NFE2L2: variants seen among roughly 807,000 people sequenced by gnomAD.
The protein encoded by NFE2L2 is nuclear factor erythroid 2-related factor 2.
Under a neutral mutation model 49.6 loss-of-function variants are expected in NFE2L2, and 20 were observed. The observed-to-expected ratio is 0.40, with a 90% CI of 0.28 to 0.59. The LOEUF is 0.59. Ranked by LOEUF, NFE2L2 falls within the 20% of genes least tolerant of loss-of-function variation. The pLI, the probability that NFE2L2 is intolerant of heterozygous loss-of-function variation, is 0.40. For synonymous variants in NFE2L2, 244 were observed against 256.5 expected (o/e 0.95, Z 0.47); for missense variants, 578 against 714.2 (o/e 0.81, Z 2.17).
intron 1 of NFE2L2, among the ~76,000 whole-genome samples, chr2:177,246,232 C>A (rs1241437845): frequency 6.6e-6 from 1 of 152,186 alleles, no homozygotes; most frequent in Non-Finnish European, 1.5e-5. Context: ...GCATTGAAAT[C>A]AGGACAACTC....
At chr2:177,249,877 C>T (rs1307641638) in intron 1 of NFE2L2, among the ~76,000 whole-genome samples, 4 of 152,088 alleles carry the variant, frequency 2.6e-5, no homozygotes, top group Admixed American at 2.6e-4. Context: ...AATTCAGTTC[C>T]TTGGTTGCAT....
intron 1 of NFE2L2, among the ~76,000 whole-genome samples, chr2:177,241,098 A>AT (rs1689923188): frequency 6.6e-6 from 1 of 152,352 alleles, no homozygotes; most frequent in South Asian, 2.1e-4. Flanking sequence ...AAAAAAATTA[A>AT]TTATACACAC....
At chr2:177,261,652 G>C (rs1032300150) in intron 1 of NFE2L2, among the ~76,000 whole-genome samples, 5 of 152,080 alleles carry the variant, frequency 3.3e-5, no homozygotes, top group Admixed American at 3.3e-4. Context: ...TTCCCAACCT[G>C]GAAACCAGGG....
In NFE2L2 at chr2:177,231,959, C is replaced by G. The variant is rs774762514; in HGVS notation, c.644G>C (p.Ser215Thr). 1 of 1,613,808 alleles carries G rather than the reference C, an allele frequency of 6.2e-7. No homozygotes were observed. Among genetic ancestry groups the G allele is most frequent in the South Asian group, 1.1e-5 (1 of 91,050 alleles). The change falls in exon 5 of 5, where the codon AGT becomes ACT. Residue 215 changes from serine to threonine, a missense_variant. This residue lies in a region of NFE2L2 where 368 missense variants were observed against 384.6 expected (regional missense o/e 0.96). Transcript: ENST00000397062. The stretch of plus-strand genomic sequence containing the variant: ...AACTTCTGTCAGTTTGGCTTCTGGA[C>G]TTGGAACCATGGTAGTCTCAACCAG... The part of the protein sequence containing the change: ...DKLVETTMVP[S>T]PEAKLTEVDN...
chr2:177,233,630 T>A, intron 2 of NFE2L2: 1 of 501,778 alleles, frequency 2.0e-6, no homozygotes, highest in Non-Finnish European at 3.5e-6. Flanking sequence ...GTTGTGTTAA[T>A]TAAATCAGTC....
chr2:177,243,014 A>G (rs1287694368), intron 1 of NFE2L2, among the ~76,000 whole-genome samples: 1 of 151,984 alleles, frequency 6.6e-6, no homozygotes, highest in Non-Finnish European at 1.5e-5. Context: ...TTGGTTTGAC[A>G]AGCAAACATT....
In NFE2L2 at chr2:177,231,517, T is replaced by G. The variant is rs765898938; in HGVS notation, c.1086A>C (p.Glu362Asp). Residue 362 changes from glutamate to aspartate, a missense_variant, in exon 5 of 5, where the codon GAA becomes GAC. Coordinates refer to ENST00000397062, the MANE Select transcript of NFE2L2 (RefSeq NM_006164.5). Reference protein sequence around the residue: ...PSVASPEHSVESSSYGDTLLG... With the variant: ...PSVASPEHSVDSSSYGDTLLG... ...GTAGTGTGTCTCCATAGCTGGAAGA[T>G]TCCACTGAGTGTTCTGGTGATGCCA... 3.7e-6 allele frequency: 6 copies of G among 1,614,124 alleles called. No individual in the cohort carries two copies. In the African/African-American group the frequency reaches 6.7e-5, roughly 18 times the overall value.
At chr2:177,263,576 A>C in intron 1 of NFE2L2, 1 of 985,476 alleles carries the variant, frequency 1.0e-6, no homozygotes, top group Non-Finnish European at 1.2e-6. Context: ...ATAAAGCAGG[A>C]AAGGGCCAAC....
Position 177,232,592 on chromosome 2 carries a change from G to C in NFE2L2, c.403-9C>G. The C allele has an allele frequency of 6.2e-7, 1 of 1,613,100 alleles. No individual in the cohort carries two copies. Among genetic ancestry groups the C allele is most frequent in the South Asian group, 1.1e-5 (1 of 91,000 alleles). On this transcript the variant is annotated splice_polypyrimidine_tract_variant and intron_variant, in intron 3 of 4. Coordinates refer to ENST00000397062, the MANE Select transcript of NFE2L2 (RefSeq NM_006164.5). ...AACGTAGCCGAAGAAACCTAAAATT[G>C]ATAAGGCATTGATTTATGAGTCTTC...
intron 1 of NFE2L2, chr2:177,256,029 A>C (rs1402176775): frequency 6.5e-6 from 1 of 154,702 alleles, no homozygotes; most frequent in Non-Finnish European, 1.5e-5. Context: ...CAGGAATTTT[A>C]ATGGTTAAAA....
chr2:177,237,532 TTTTTGAGACGGAGTC>T (rs1689791916), intron 1 of NFE2L2, among the ~76,000 whole-genome samples: 1 of 152,188 alleles, frequency 6.6e-6, no homozygotes, highest in African/African-American at 2.4e-5. Context: ...ATTTTATTTT[TTTTTGAGACGGAGTC>T]TCGCTCTGTC....
intron 1 of NFE2L2, among the ~76,000 whole-genome samples, chr2:177,255,717 A>G (rs1209548027): frequency 6.6e-6 from 1 of 151,856 alleles, no homozygotes; most frequent in African/African-American, 2.4e-5. Context: ...GCACCACTGG[A>G]TCCAGCTAAT....
intron 1 of NFE2L2, among the ~76,000 whole-genome samples, chr2:177,262,022 T>TC (rs1317377249): frequency 1.3e-5 from 2 of 152,066 alleles, no homozygotes; most frequent in Admixed American, 6.6e-5. Context: ...GAGTCAGTTT[T>TC]CCCCCCAACA....
chr2:177,233,570 T>C (rs1689635093), intron 2 of NFE2L2: 1 of 542,038 alleles, frequency 1.8e-6, no homozygotes, highest in Non-Finnish European at 3.2e-6. Flanking sequence ...TTTGTGAGCT[T>C]CAGTTGCTCA....
At chr2:177,248,861 C>T (rs1024298557) in intron 1 of NFE2L2, among the ~76,000 whole-genome samples, 1 of 152,190 alleles carries the variant, frequency 6.6e-6, no homozygotes, top group Non-Finnish European at 1.5e-5. Context: ...ATCATGTCCC[C>T]TGCCCAGCCT....
chr2:177,242,147 G>T (rs1330237372), intron 1 of NFE2L2, among the ~76,000 whole-genome samples: 1 of 152,150 alleles, frequency 6.6e-6, no homozygotes, highest in Admixed American at 6.5e-5. Context: ...TTGCTATCTT[G>T]ATTGTGTTGC....
chr2:177,263,776 C>T, intron 1 of NFE2L2: 4 of 985,528 alleles, frequency 4.1e-6, no homozygotes, highest in Non-Finnish European at 4.8e-6. Flanking sequence ...TGCCCGAGCC[C>T]GAACCCCTCC....
At chr2:177,264,069 C>T (rs1232872891) in intron 1 of NFE2L2, among the ~76,000 whole-genome samples, 1 of 152,164 alleles carries the variant, frequency 6.6e-6, no homozygotes, top group Non-Finnish European at 1.5e-5. Context: ...CGAGAGCGGC[C>T]CCGTGACTAG....
chr2:177,245,899 T>C (rs910404666), intron 1 of NFE2L2, among the ~76,000 whole-genome samples: 2 of 152,152 alleles, frequency 1.3e-5, no homozygotes, highest in African/African-American at 4.8e-5. Context: ...CATGAGCCAC[T>C]GCGTCCAGCC....
Sources: gnomAD v4.1 joint callset for allele counts (sites outside exome capture counted in the v4.1 genomes callset) on GRCh38, gnomAD v4.1.1 for gene constraint, gnomAD v4.1.1 regional missense constraint, MANE v1.5 for transcripts, NCBI Gene and HGNC (gene_info 2026-07-23, HGNC 2026-07-21) for gene names.